Variants in ASCC3 observed in about 807,000 individuals in gnomAD.
The protein encoded by ASCC3 is activating signal cointegrator 1 complex subunit 3.
In ASCC3, 158 loss-of-function variants were observed where a neutral mutation model predicts 256.3. The ratio of observed to expected loss-of-function variants is 0.62; its 90% CI spans 0.54 to 0.70. The LOEUF is 0.70. ASCC3 is among the 30% of genes least tolerant of loss of function. The pLI is 0.00. For missense variants in ASCC3, 2,259 were observed against 2,626.0 expected (o/e 0.86, Z 3.05); for synonymous variants, 948 against 883.4 (o/e 1.07, Z -1.30).
intron 33 of ASCC3, 54 bp from the exon 34 acceptor site, chr6:100,601,989 T>A (rs1772644116): frequency 6.3e-7 from 1 of 1,584,506 alleles, no homozygotes; most frequent in African/African-American, 1.3e-5. Flanking sequence ...CTAAAAACAC[T>A]GAAATTTATC....
intron 13 of ASCC3, among the ~76,000 whole-genome samples, chr6:100,704,297 T>C (rs567790403): frequency 6.6e-6 from 1 of 152,100 alleles, no homozygotes; most frequent in African/African-American, 2.4e-5. Flanking sequence ...TATATTCCTT[T>C]GGAATTACAT....
intron 8 of ASCC3, among the ~76,000 whole-genome samples, chr6:100,797,549 T>C (rs922087152): frequency 2.0e-5 from 3 of 151,742 alleles, no homozygotes; most frequent in African/African-American, 7.3e-5. Context: ...AATGATGATA[T>C]TGCTTATAAT....
intron 13 of ASCC3, among the ~76,000 whole-genome samples, chr6:100,707,800 A>G (rs752371081): frequency 6.6e-6 from 1 of 152,134 alleles, no homozygotes; most frequent in Non-Finnish European, 1.5e-5. Flanking sequence ...AAAGAAGGAT[A>G]GCTCCTTTGC....
At chr6:100,845,449 A>G (rs1772338745) in intron 4 of ASCC3, among the ~76,000 whole-genome samples, 1 of 152,160 alleles carries the variant, frequency 6.6e-6, no homozygotes, top group African/African-American at 2.4e-5. Flanking sequence ...TTAGTATGCT[A>G]TTTTTAAAAA....
At chr6:100,641,591 T>A (rs1250661684) in intron 24 of ASCC3, among the ~76,000 whole-genome samples, 1 of 152,200 alleles carries the variant, frequency 6.6e-6, no homozygotes, top group African/African-American at 2.4e-5. Flanking sequence ...TCAACCATTG[T>A]GGAAGTCAGT....
chr6:100,854,378 C>G (rs368171736), intron 3 of ASCC3, among the ~76,000 whole-genome samples: 1 of 152,092 alleles, frequency 6.6e-6, no homozygotes, highest in Admixed American at 6.6e-5. Flanking sequence ...ATGAAAGCAC[C>G]TTTAGCAATA....
At chr6:100,797,363 T>C (rs1297992448) in intron 8 of ASCC3, among the ~76,000 whole-genome samples, 3 of 149,708 alleles carry the variant, frequency 2.0e-5, no homozygotes, top group East Asian at 2.0e-4. Flanking sequence ...GGCAGGAGAA[T>C]TGCTTGAACC....
chr6:100,792,205 T>C (rs1769380860), intron 8 of ASCC3, among the ~76,000 whole-genome samples: 1 of 151,900 alleles, frequency 6.6e-6, no homozygotes, highest in Non-Finnish European at 1.5e-5. Context: ...CAGTTTAATA[T>C]ACCTAGAAAC....
Position 100,510,863 on chromosome 6 carries a change from G to A in ASCC3, c.6286-756C>T, listed in dbSNP as rs79536776. On this transcript the variant is annotated intron_variant, in intron 40 of 41. Transcript: ENST00000369162. ...TTATGGCATAAAATATAGTAATAAT[G>A]ATACATTCTCAGACTTCACTCAGTA... Among the ~76,000 whole-genome samples, 1,053 of 152,150 alleles carry A rather than the reference G, an allele frequency of 6.9e-3. 15 individuals carry two copies. Among genetic ancestry groups the A allele is most frequent in the African/African-American group, 0.024 (1,001 of 41,490 alleles).
intron 34 of ASCC3, among the ~76,000 whole-genome samples, chr6:100,592,022 T>A (rs1334454267): frequency 6.6e-6 from 1 of 151,798 alleles, no homozygotes; most frequent in African/African-American, 2.4e-5. Flanking sequence ...TGGATTAATA[T>A]CCCTTCTAAA....
intron 8 of ASCC3, among the ~76,000 whole-genome samples, chr6:100,771,020 A>G (rs1039960025): frequency 7.1e-4 from 108 of 152,216 alleles, no homozygotes; most frequent in African/African-American, 2.5e-3. Context: ...AGCTAAAACT[A>G]CCTGATGTCA....
At chr6:100,714,510 T>G (rs573091603) in intron 13 of ASCC3, among the ~76,000 whole-genome samples, 15 of 152,168 alleles carry the variant, frequency 9.9e-5, no homozygotes, top group African/African-American at 3.4e-4. Context: ...TGCAAAGAAC[T>G]CCATTTTCCT....
chr6:100,690,296 C>T (rs1198393294), intron 13 of ASCC3, among the ~76,000 whole-genome samples: 3 of 152,048 alleles, frequency 2.0e-5, no homozygotes, highest in African/African-American at 7.2e-5. Flanking sequence ...ACAGATGCAA[C>T]CATTCTTTTT....
In ASCC3 at chr6:100,767,286, A is replaced by G. The variant is rs753498418; in HGVS notation, c.1455T>C (p.Phe485=). ...KRLNRIQSIV[F]ETAYNTNENM... ...TCTCATTGGTGTTGTAGGCAGTCTCAAACACTATTGACTGGATTCTATTGA... is the reference window on the plus strand; with the variant it reads ...TCTCATTGGTGTTGTAGGCAGTCTCGAACACTATTGACTGGATTCTATTGA... Residue 485 remains phenylalanine, a synonymous_variant, in exon 9 of 42, where the codon TTT becomes TTC. Coordinates refer to ENST00000369162, the MANE Select transcript of ASCC3 (RefSeq NM_006828.4). 1.2e-6 allele frequency: 2 copies of G among 1,614,088 alleles called. No individual in the cohort carries two copies. Among genetic ancestry groups the G allele is most frequent in the East Asian group, 4.5e-5 (2 of 44,848 alleles).
At chr6:100,530,249 G>C in intron 37 of ASCC3, 1 of 919,300 alleles carries the variant, frequency 1.1e-6, no homozygotes, top group South Asian at 1.3e-5. Flanking sequence ...GCCACAGGAG[G>C]AGGGGAGAGG....
In ASCC3 at chr6:100,867,945, T is replaced by C. The variant is rs901835215; in HGVS notation, c.53A>G (p.Lys18Arg). The C allele has an allele frequency of 1.2e-6, 2 of 1,613,738 alleles. No individual in the cohort carries two copies. Among genetic ancestry groups the C allele is most frequent in the South Asian group, 1.1e-5 (1 of 91,060 alleles). The change falls in exon 2 of 42, where the codon AAG becomes AGG. Residue 18 changes from lysine to arginine, a missense_variant. By Grantham distance (26) the Lys-to-Arg change is conservative. Transcript: ENST00000369162. ...CACTTCTTCATTATAATTATCTTGC[T>C]TGGTGACATTTGAAAAGGAACGCAA... ...GALRSFSNVT[K>R]QDNYNEEVAD... is the part of the protein sequence containing the mutation.
intron 13 of ASCC3, 115 bp from the exon 14 acceptor site, chr6:100,679,867 A>T: frequency 2.6e-6 from 3 of 1,166,986 alleles, no homozygotes; most frequent in Non-Finnish European, 2.5e-6. Flanking sequence ...CATAATCACA[A>T]ATTTACGAAT....
chr6:100,558,252 T>TA (rs1188818249), intron 36 of ASCC3, among the ~76,000 whole-genome samples: 2 of 151,996 alleles, frequency 1.3e-5, no homozygotes, highest in East Asian at 1.9e-4. Flanking sequence ...ATATTTCTGG[T>TA]AAAAAAATTT....
chr6:100,586,380 T>C (rs1314153886), intron 36 of ASCC3, among the ~76,000 whole-genome samples: 1 of 152,186 alleles, frequency 6.6e-6, no homozygotes, highest in African/African-American at 2.4e-5. Context: ...CGTAGGACCC[T>C]CCGAGCCAGG....
Sources: gnomAD v4.1 joint callset for allele counts (sites outside exome capture counted in the v4.1 genomes callset) on GRCh38, gnomAD v4.1.1 for gene constraint, MANE v1.5 for transcripts, NCBI Gene and HGNC (gene_info 2026-07-23, HGNC 2026-07-21) for gene names.